IL10RB: variants seen among roughly 807,000 people sequenced by gnomAD.
IL10RB encodes the protein interleukin 10 receptor subunit beta.
IL10RB carries 30 observed loss-of-function variants against 38.7 expected under a neutral mutation model. That is an observed-to-expected ratio of 0.78 (90% CI 0.58 to 1.05). IL10RB has a LOEUF of 1.05. IL10RB is among the 50% of genes least tolerant of loss of function. The probability of loss-of-function intolerance (pLI) is 0.00; values close to 1 mark genes in which losing one functional copy is unlikely to be tolerated. For missense variants in IL10RB, 328 were observed against 397.1 expected (o/e 0.83, Z 1.48); for synonymous variants, 142 against 145.9 (o/e 0.97, Z 0.19).
Position 33,278,733 on chromosome 21 carries a change from T to C in IL10RB, c.332-1019T>C, listed in dbSNP as rs913265295. Among the ~76,000 whole-genome samples the C allele has an allele frequency of 3.9e-5, 6 of 152,240 alleles. 1 individual carries two copies. Among genetic ancestry groups the C allele is most frequent in the African/African-American group, 9.6e-5 (4 of 41,464 alleles). Reference sequence around the variant, plus strand: ...TCTTGAAGTCTATGTATTTTAGTGATAGGAAAGTGTTTCCAGGCATCATGC... The same window carrying C: ...TCTTGAAGTCTATGTATTTTAGTGACAGGAAAGTGTTTCCAGGCATCATGC... On this transcript the variant is annotated intron_variant, in intron 3 of 6. Transcript: ENST00000290200.
chr21:33,282,618 G>A (rs755897088), intron 4 of IL10RB, among the ~76,000 whole-genome samples: 2 of 152,046 alleles, frequency 1.3e-5, no homozygotes, highest in Non-Finnish European at 2.9e-5. Context: ...GTCTCGCTCT[G>A]TCACCGAGGC....
chr21:33,266,835 A>G (rs578147058), intron 1 of IL10RB, among the ~76,000 whole-genome samples: 12 of 152,174 alleles, frequency 7.9e-5, no homozygotes, highest in African/African-American at 2.2e-4. Flanking sequence ...TAGCTTCCCC[A>G]AAAGACCCAA....
chr21:33,296,876 A>G lies in IL10RB; in HGVS notation c.*519A>G, dbSNP rs1339192870. 2 of 227,548 alleles carry G rather than the reference A, an allele frequency of 8.8e-6. No individual in the cohort carries two copies. The highest frequency in any genetic ancestry group is 1.7e-5 in the Non-Finnish European group (2 of 115,050). 14.1% of individuals were successfully genotyped at this position (227,548 alleles called of 1,614,324 possible). On this transcript the variant is annotated 3_prime_UTR_variant, in exon 7 of 7. Coordinates refer to ENST00000290200, the MANE Select transcript of IL10RB (RefSeq NM_000628.5). ...GGCAGGAGAATTGCATGAACCCGGG[A>G]GGAGGAGGAGGAGGTTGCAGTGAGC...
chr21:33,286,515 G>A (rs1601834717), intron 5 of IL10RB, among the ~76,000 whole-genome samples: 1 of 152,104 alleles, frequency 6.6e-6, no homozygotes, highest in African/African-American at 2.4e-5. Context: ...AAAGCAGGAC[G>A]CTAATTAAAG....
chr21:33,275,288 TG>T (rs1989151002), intron 2 of IL10RB, among the ~76,000 whole-genome samples: 1 of 151,896 alleles, frequency 6.6e-6, no homozygotes, highest in Non-Finnish European at 1.5e-5. Flanking sequence ...CCTGAGTAGC[TG>T]AGATTACAGG....
At position 33,276,561 on chromosome 21, in the gene IL10RB, A is replaced by C. The variant is rs1010217815; in HGVS notation, c.174-35A>C. The stretch of plus-strand genomic sequence containing the variant: ...CAGCCTCAGGGAGACTGAAGCCAGA[A>C]CTCTCCTGATTGACCTATCTTTTTG... On this transcript the variant is annotated intron_variant, in intron 2 of 6. Transcript: ENST00000290200. The C allele has an allele frequency of 1.0e-5, 16 of 1,595,112 alleles. No individual in the cohort carries two copies. In the South Asian group the frequency reaches 1.8e-4, roughly 18 times the overall value.
At chr21:33,269,179 G>A (rs938665253) in intron 2 of IL10RB, among the ~76,000 whole-genome samples, 1 of 152,202 alleles carries the variant, frequency 6.6e-6, no homozygotes, top group Non-Finnish European at 1.5e-5. Flanking sequence ...CACCCTAGAC[G>A]GTCATCTCAG....
exon 2 of IL10RB, chr21:33,309,232 A>T (rs2083006177): frequency 6.6e-6 from 1 of 152,252 alleles, no homozygotes; most frequent in Non-Finnish European, 1.5e-5. Context: ...CACCAATAAC[A>T]CCAGCATATG....
chr21:33,268,127 A>G, intron 1 of IL10RB: 265 of 790,036 alleles, frequency 3.4e-4, no homozygotes, highest in Non-Finnish European at 4.5e-4. Flanking sequence ...TGCCCACCCT[A>G]CCCCCTCATA....
At chr21:33,290,360 A>ATG (rs1387036515) in intron 6 of IL10RB, among the ~76,000 whole-genome samples, 1 of 152,176 alleles carries the variant, frequency 6.6e-6, no homozygotes, top group Non-Finnish European at 1.5e-5. Flanking sequence ...AATCAAAATT[A>ATG]TGTAGTCACT....
chr21:33,295,665 C>G (rs1429255696), intron 6 of IL10RB, among the ~76,000 whole-genome samples: 1 of 86,660 alleles, frequency 1.2e-5, no homozygotes, highest in Non-Finnish European at 2.4e-5. Flanking sequence ...GAGCGAGACT[C>G]CATCTCAAAA....
intron 5 of IL10RB, among the ~76,000 whole-genome samples, chr21:33,283,730 A>G (rs1989321560): frequency 6.6e-6 from 1 of 152,248 alleles, no homozygotes; most frequent in South Asian, 2.1e-4. Flanking sequence ...GCAGGAATCC[A>G]GGATGTCAAC....
chr21:33,268,282 G>C (rs1989010373), intron 1 of IL10RB, 112 bp from the exon 2 acceptor site: 8 of 1,576,642 alleles, frequency 5.1e-6, no homozygotes, highest in Non-Finnish European at 6.9e-6. Flanking sequence ...TCACCCACGT[G>C]GCCTTTGAAG....
intron 2 of IL10RB, among the ~76,000 whole-genome samples, chr21:33,275,160 T>C (rs1440924087): frequency 6.1e-5 from 9 of 147,800 alleles, no homozygotes; most frequent in African/African-American, 1.7e-4. Flanking sequence ...TTCTTTTTTT[T>C]TTTTTTTTTT....
At chr21:33,302,358 C>G (rs778736696) in intron 1 of IL10RB, among the ~76,000 whole-genome samples, 9 of 152,240 alleles carry the variant, frequency 5.9e-5, no homozygotes, top group Non-Finnish European at 1.3e-4. Context: ...GGGGGTTCCC[C>G]GATGACTGCT....
At position 33,296,567 on chromosome 21, in the gene IL10RB, TA is replaced by T. The variant is rs2082968254; in HGVS notation, c.*213del. 1 of 685,746 alleles carries T rather than the reference TA, an allele frequency of 1.5e-6. No individual in the cohort carries two copies. The highest frequency in any genetic ancestry group is 2.7e-6 in the Non-Finnish European group (1 of 375,424). 42.5% of individuals were successfully genotyped at this position (685,746 alleles called of 1,614,324 possible). On this transcript the variant is annotated 3_prime_UTR_variant, in exon 7 of 7. Coordinates refer to ENST00000290200, the MANE Select transcript of IL10RB (RefSeq NM_000628.5). ...CTCCATTTGGGAACTCACTGCCTTA[TA>T]AAGGCTTTCATGATGTTTTCAGAAG...
chr21:33,284,646 C>T (rs770001316), intron 5 of IL10RB, among the ~76,000 whole-genome samples: 81 of 152,102 alleles, frequency 5.3e-4, no homozygotes, highest in Non-Finnish European at 6.6e-4. Flanking sequence ...ATCATGGGGG[C>T]CCATTTCTCA....
chr21:33,293,915 T>C (rs1601838375), intron 6 of IL10RB: 6 of 458,206 alleles, frequency 1.3e-5, no homozygotes, highest in Admixed American at 2.4e-5. Flanking sequence ...AGAATGAGGG[T>C]GGGCCCTTTG....
intron 6 of IL10RB, among the ~76,000 whole-genome samples, chr21:33,294,489 G>A (rs1243552473): frequency 6.6e-6 from 1 of 151,926 alleles, no homozygotes; most frequent in Non-Finnish European, 1.5e-5. Flanking sequence ...CATTATCCCA[G>A]GAAAATCCAG....
Sources: allele counts gnomAD v4.1 joint callset (sites outside exome capture counted in the v4.1 genomes callset), GRCh38; gene constraint gnomAD v4.1.1; transcripts MANE v1.5; gene names NCBI Gene and HGNC (gene_info 2026-07-23, HGNC 2026-07-21).